Variants in ZNF385D observed in about 807,000 individuals in gnomAD.
ZNF385D encodes zinc finger protein 385D, also known as zinc finger protein 659.
In ZNF385D, 15 loss-of-function variants were observed where a neutral mutation model predicts 35.8. The ratio of observed to expected loss-of-function variants is 0.42; its 90% CI spans 0.28 to 0.64. ZNF385D has a LOEUF of 0.64. ZNF385D is among the 30% of genes least tolerant of loss of function. The pLI is 0.23. For synonymous variants in ZNF385D, 212 were observed against 186.8 expected (o/e 1.13, Z -1.10); for missense variants, 474 against 494.6 (o/e 0.96, Z 0.39).
chr3:21,756,030 C>G (rs527867080), upstream of ZNF385D, among the ~76,000 whole-genome samples: 1 of 152,272 alleles, frequency 6.6e-6, no homozygotes, highest in East Asian at 1.9e-4. Context: ...AATACTTTGA[C>G]TTTTATTATG....
chr3:21,801,048 G>T (rs1203049999), intron 3 of ZNF385D, among the ~76,000 whole-genome samples: 10 of 151,908 alleles, frequency 6.6e-5, no homozygotes, highest in Non-Finnish European at 4.4e-5. Context: ...ATTTTGTTTT[G>T]TCAAGTAATT....
chr3:22,042,832 G>T lies in ZNF385D; in HGVS notation c.325+125985C>A, dbSNP rs532473796. 2.6e-5 allele frequency among the ~76,000 whole-genome samples: 4 copies of T among 152,266 alleles called. No individual in the cohort carries two copies. In the East Asian group the frequency reaches 7.7e-4, roughly 29 times the overall value. On this transcript the variant is annotated intron_variant, in intron 3 of 5. Coordinates refer to the ZNF385D transcript ENST00000494108. ...AAACTCTCATGCCTGATCTCGACGT[G>T]TTTGGTTGTCTTTGGAAGATCACAG... is the stretch of plus-strand genomic sequence containing the variant.
At chr3:21,568,186 C>T (rs2063213788) in intron 2 of ZNF385D, among the ~76,000 whole-genome samples, 1 of 29,528 alleles carries the variant, frequency 3.4e-5, no homozygotes, top group Admixed American at 2.3e-4. Context: ...TTATTAATAA[C>T]AATAAATCAT....
At chr3:22,135,568 G>A in intron 3 of ZNF385D, among the ~76,000 whole-genome samples, 1 of 152,102 alleles carries the variant, frequency 6.6e-6, no homozygotes, top group Non-Finnish European at 1.5e-5. Context: ...ATTGATCAAT[G>A]GGTTTAATGC....
chr3:21,989,671 A>G (rs529233301), intron 3 of ZNF385D, among the ~76,000 whole-genome samples: 75 of 137,540 alleles, frequency 5.5e-4, no homozygotes, highest in African/African-American at 2.3e-3. Context: ...TTCTTTCCAC[A>G]ATAATAATAA....
At chr3:22,190,357 A>G (rs868477503) in intron 2 of ZNF385D, among the ~76,000 whole-genome samples, 22 of 152,162 alleles carry the variant, frequency 1.4e-4, no homozygotes, top group African/African-American at 5.1e-4. Context: ...CATTTACAAG[A>G]GATAGTAAAT....
chr3:22,245,454 T>C (rs1699723618), intron 2 of ZNF385D, among the ~76,000 whole-genome samples: 1 of 143,634 alleles, frequency 7.0e-6, no homozygotes, highest in Non-Finnish European at 1.5e-5. Context: ...TCAGCTATTA[T>C]GACTTCTCAA....
At chr3:21,997,444 C>A (rs1695538154) in intron 3 of ZNF385D, among the ~76,000 whole-genome samples, 1 of 151,764 alleles carries the variant, frequency 6.6e-6, no homozygotes, top group African/African-American at 2.4e-5. Context: ...CACATGTATA[C>A]ATATGTAACA....
At chr3:21,699,314 A>C (rs1305059612) in intron 1 of ZNF385D, among the ~76,000 whole-genome samples, 4 of 152,026 alleles carry the variant, frequency 2.6e-5, no homozygotes, top group Admixed American at 2.6e-4. Context: ...CAGGGAGGGG[A>C]ACATCACACA....
At chr3:22,131,778 T>C (rs1703809939) in intron 3 of ZNF385D, among the ~76,000 whole-genome samples, 1 of 152,152 alleles carries the variant, frequency 6.6e-6, no homozygotes, top group Non-Finnish European at 1.5e-5. Flanking sequence ...CAGAGTTATC[T>C]CCTGAGAATA....
Position 21,636,378 on chromosome 3 carries a change from TTATATATATATATATATA to T in ZNF385D, c.165+28490_165+28507del, listed in dbSNP as rs1183440640. On this transcript the variant is annotated intron_variant, in intron 2 of 7. Transcript: ENST00000281523. Reference sequence around the variant, plus strand: ...ATTATATATGATTATATATATATGATTATATATATATATATATATATATATATATATATATAGAGTTTC... The same window carrying T: ...ATTATATATGATTATATATATATGATTATATATATATATATATAGAGTTTC... Among the ~76,000 whole-genome samples the T allele has an allele frequency of 2.3e-4, 11 of 47,984 alleles. No homozygotes were observed. The East Asian group carries it at 3.9e-3, about 17-fold the overall frequency. The allele number at this position is 47,984 out of a possible 152,430, so 31.5% of individuals were successfully genotyped here. A position where few individuals can be genotyped will look rare whatever the true frequency, so the allele number is the denominator to read the frequency against.
At chr3:21,934,303 C>A (rs1046032775) in intron 3 of ZNF385D, among the ~76,000 whole-genome samples, 1 of 152,028 alleles carries the variant, frequency 6.6e-6, no homozygotes, top group African/African-American at 2.4e-5. Flanking sequence ...ATCTAGAATA[C>A]CAAAAGCTGC....
intron 3 of ZNF385D, among the ~76,000 whole-genome samples, chr3:21,991,459 T>C (rs1049943971): frequency 6.6e-6 from 1 of 152,298 alleles, no homozygotes; most frequent in Admixed American, 6.5e-5. Flanking sequence ...TATGTATGTG[T>C]GTATTTGATA....
intron 4 of ZNF385D, among the ~76,000 whole-genome samples, chr3:21,478,492 G>T (rs1028798973): frequency 6.6e-6 from 1 of 152,084 alleles, no homozygotes. Context: ...TTCCATTAGA[G>T]TATATCCAGA....
chr3:21,725,635 A>G (rs1049214176), intron 1 of ZNF385D, among the ~76,000 whole-genome samples: 5 of 152,162 alleles, frequency 3.3e-5, no homozygotes, highest in African/African-American at 9.7e-5. Flanking sequence ...TAAACCAGGA[A>G]AAGTCGAATC....
At chr3:21,613,594 G>A (rs951944373) in intron 2 of ZNF385D, among the ~76,000 whole-genome samples, 1 of 152,116 alleles carries the variant, frequency 6.6e-6, no homozygotes, top group Non-Finnish European at 1.5e-5. Context: ...GACCCTTAGT[G>A]AATTTCCCAG....
chr3:21,678,995 C>T (rs985825259), intron 1 of ZNF385D, among the ~76,000 whole-genome samples: 2 of 151,984 alleles, frequency 1.3e-5, no homozygotes, highest in African/African-American at 2.4e-5. Flanking sequence ...AGCTGAAAGG[C>T]CCTGCCACCC....
intron 3 of ZNF385D, among the ~76,000 whole-genome samples, chr3:21,952,161 T>C (rs1000690622): frequency 6.6e-6 from 1 of 152,068 alleles, no homozygotes; most frequent in Non-Finnish European, 1.5e-5. Context: ...GTAACTATGA[T>C]GGTTTCCTCT....
chr3:22,078,474 G>A (rs1431625863), intron 3 of ZNF385D, among the ~76,000 whole-genome samples: 5 of 152,020 alleles, frequency 3.3e-5, no homozygotes, highest in Non-Finnish European at 5.9e-5. Context: ...AAGATGAGTG[G>A]ATAAGGATAT....
Sources: gnomAD v4.1 joint callset for allele counts (sites outside exome capture counted in the v4.1 genomes callset) on GRCh38, gnomAD v4.1.1 for gene constraint, MANE v1.5 for transcripts, NCBI Gene and HGNC (gene_info 2026-07-23, HGNC 2026-07-21) for gene names.